HDDC2: variants seen among roughly 807,000 people sequenced by gnomAD.
The protein encoded by HDDC2 is HD domain containing 2.
HDDC2 carries 25 observed loss-of-function variants against 25.5 expected under a neutral mutation model. The observed-to-expected ratio is 0.98, with a 90% CI of 0.72 to 1.37. HDDC2 has a LOEUF of 1.37. Among genes scored for constraint, HDDC2 ranks in the 40% most tolerant of loss-of-function variants. The probability of loss-of-function intolerance (pLI) is 0.00; values close to 1 mark genes in which losing one functional copy is unlikely to be tolerated. For synonymous variants in HDDC2, 106 were observed against 89.7 expected (o/e 1.18, Z -1.03); for missense variants, 264 against 253.1 (o/e 1.04, Z -0.29).
At chr6:125,279,120 C>G (rs142330261) in intron 4 of HDDC2, 1 of 152,320 alleles carries the variant, frequency 6.6e-6, no homozygotes, top group Non-Finnish European at 1.5e-5. Context: ...TCTGATGGAC[C>G]TGAGAATAGG....
chr6:125,301,763 C>T (rs1243576538), intron 1 of HDDC2, 86 bp downstream of exon 1: 14 of 1,011,878 alleles, frequency 1.4e-5, no homozygotes, highest in Non-Finnish European at 2.0e-5. Flanking sequence ...GGGCAAAGAC[C>T]GCCGGCCGAG....
intron 4 of HDDC2, among the ~76,000 whole-genome samples, chr6:125,291,638 G>A (rs1583053562): frequency 6.6e-6 from 1 of 152,144 alleles, no homozygotes; most frequent in African/African-American, 2.4e-5. Context: ...TTTCATAACT[G>A]GGGATAAGGG....
intron 4 of HDDC2, among the ~76,000 whole-genome samples, chr6:125,289,567 T>C (rs1051628096): frequency 3.3e-5 from 5 of 151,448 alleles, no homozygotes; most frequent in African/African-American, 1.2e-4. Context: ...AGGTTGGCCC[T>C]GAGTGAAGTG....
At chr6:125,284,817 T>TA (rs1420003854) in intron 4 of HDDC2, among the ~76,000 whole-genome samples, 2 of 152,182 alleles carry the variant, frequency 1.3e-5, no homozygotes, top group African/African-American at 2.4e-5. Context: ...TTACCGGGTA[T>TA]ACACCCAAAG....
chr6:125,282,704 A>T (rs1798476231), intron 4 of HDDC2, among the ~76,000 whole-genome samples: 2 of 150,790 alleles, frequency 1.3e-5, no homozygotes, highest in Non-Finnish European at 2.9e-5. Flanking sequence ...TGCCCCAATT[A>T]AAAGGCACAG....
intron 4 of HDDC2, among the ~76,000 whole-genome samples, chr6:125,291,515 G>A (rs764819978): frequency 3.9e-5 from 6 of 152,168 alleles, no homozygotes; most frequent in Non-Finnish European, 7.4e-5. Context: ...TCCACACCAA[G>A]AGAGATGGAT....
At chr6:125,293,152 A>G (rs1336346113) in intron 3 of HDDC2, 3 of 557,448 alleles carry the variant, frequency 5.4e-6, no homozygotes, top group South Asian at 1.9e-5. Context: ...CTACAACACA[A>G]CAGACATAGA....
intron 4 of HDDC2, among the ~76,000 whole-genome samples, chr6:125,289,882 C>A (rs1008108092): frequency 1.3e-5 from 2 of 152,204 alleles, no homozygotes; most frequent in East Asian, 1.9e-4. Context: ...AAGGACATTT[C>A]TTTAAGGCAA....
chr6:125,283,932 T>C (rs980444887), intron 4 of HDDC2, among the ~76,000 whole-genome samples: 1 of 152,104 alleles, frequency 6.6e-6, no homozygotes, highest in Non-Finnish European at 1.5e-5. Context: ...AATTCTATAG[T>C]AACCAAAACA....
chr6:125,280,230 A>C (rs1798437590), intron 4 of HDDC2, among the ~76,000 whole-genome samples: 1 of 152,222 alleles, frequency 6.6e-6, no homozygotes, highest in Admixed American at 6.5e-5. Flanking sequence ...CTTTTCCCAC[A>C]GTCTTTGCAA....
chr6:125,280,539 C>T (rs566377916), intron 4 of HDDC2, among the ~76,000 whole-genome samples: 4 of 152,200 alleles, frequency 2.6e-5, no homozygotes, highest in Non-Finnish European at 5.9e-5. Flanking sequence ...CTGGGACACT[C>T]GAGCTTGGTA....
At chr6:125,295,894 C>T (rs980279632) in intron 3 of HDDC2, among the ~76,000 whole-genome samples, 1 of 152,146 alleles carries the variant, frequency 6.6e-6, no homozygotes, top group Non-Finnish European at 1.5e-5. Flanking sequence ...GCATTATCAA[C>T]CTGCATAATA....
At chr6:125,294,261 C>T (rs1249734384) in intron 3 of HDDC2, among the ~76,000 whole-genome samples, 1 of 152,114 alleles carries the variant, frequency 6.6e-6, no homozygotes, top group African/African-American at 2.4e-5. Context: ...TAAAATTGGA[C>T]ATTTGTGTGT....
chr6:125,277,303 T>G, intron 4 of HDDC2, 63 bp from the exon 5 acceptor site: 1 of 1,533,796 alleles, frequency 6.5e-7, no homozygotes, highest in Non-Finnish European at 8.9e-7. Flanking sequence ...CCTGGGAAAA[T>G]TCTGACTCTG....
At chr6:125,287,047 T>C (rs997507729) in intron 4 of HDDC2, among the ~76,000 whole-genome samples, 1 of 152,020 alleles carries the variant, frequency 6.6e-6, no homozygotes, top group African/African-American at 2.4e-5. Flanking sequence ...CCAATCTGTA[T>C]AAAATAAGAG....
chr6:125,294,137 C>G (rs1798670789), intron 3 of HDDC2, among the ~76,000 whole-genome samples: 1 of 152,192 alleles, frequency 6.6e-6, no homozygotes, highest in South Asian at 2.1e-4. Flanking sequence ...AGCCTCAGTT[C>G]TTCTAACCAC....
chr6:125,276,491 CA>C, intron 5 of HDDC2: 1 of 477,320 alleles, frequency 2.1e-6, no homozygotes, highest in Non-Finnish European at 3.7e-6. Context: ...ATCAATTAGG[CA>C]GAGGTAGGGG....
intron 4 of HDDC2, chr6:125,278,970 C>T (rs1284445261): frequency 6.6e-6 from 1 of 152,290 alleles, no homozygotes; most frequent in African/African-American, 2.4e-5. Flanking sequence ...AAACCTGACA[C>T]AGCAAAGAAA....
At chr6:125,284,615 TACCATCTCAC>T (rs1798505148) in intron 4 of HDDC2, among the ~76,000 whole-genome samples, 1 of 152,208 alleles carries the variant, frequency 6.6e-6, no homozygotes, top group Non-Finnish European at 1.5e-5. Context: ...CACAATGAGA[TACCATCTCAC>T]GCCAGTTAGA....
Sources: gnomAD v4.1 joint callset for allele counts (sites outside exome capture counted in the v4.1 genomes callset) on GRCh38, gnomAD v4.1.1 for gene constraint, MANE v1.5 for transcripts, NCBI Gene and HGNC (gene_info 2026-07-23, HGNC 2026-07-21) for gene names.